Variants in CSPP1 observed in about 807,000 individuals in gnomAD.
CSPP1 encodes the protein centrosome and spindle pole associated protein 1.
In CSPP1, 126 loss-of-function variants were observed where a neutral mutation model predicts 164.4. The ratio of observed to expected loss-of-function variants is 0.77; its 90% CI spans 0.66 to 0.89. The LOEUF (loss-of-function observed/expected upper bound fraction) is 0.89. CSPP1 is among the 40% of genes least tolerant of loss of function. CSPP1 has a pLI of 0.00. For missense variants in CSPP1, 1,395 were observed against 1,449.8 expected (o/e 0.96, Z 0.61); for synonymous variants, 472 against 476.7 (o/e 0.99, Z 0.13).
At chr8:67,177,657 C>T (rs1563762747) in intron 26 of CSPP1, 23 bp from the exon 27 acceptor site, 1 of 1,579,178 alleles carries the variant, frequency 6.3e-7, no homozygotes, top group East Asian at 2.2e-5. Context: ...TTTTAATTTG[C>T]TTTTGTTCTC....
intron 28 of CSPP1, 111 bp from the exon 29 acceptor site, chr8:67,190,535 AGTGT>A: frequency 1.4e-6 from 1 of 724,562 alleles, no homozygotes; most frequent in South Asian, 1.6e-5. Context: ...ACATACATTG[AGTGT>A]GTTTCATGGT....
At position 67,160,533 on chromosome 8, in the gene CSPP1, T is replaced by C. The variant is rs991100959; in HGVS notation, c.2539-1278T>C. ...TAATTATATTTCTTGTAATTTCTTA[T>C]GTTTTTTAAAAATGCTATTTTTTAA... On this transcript the variant is annotated intron_variant, in intron 21 of 30. Coordinates refer to ENST00000678616, the MANE Select transcript of CSPP1 (RefSeq NM_001382391.1). 7.9e-5 allele frequency among the ~76,000 whole-genome samples: 12 copies of C among 152,054 alleles called. No individual in the cohort carries two copies. In the East Asian group the frequency reaches 2.3e-3, roughly 29 times the overall value.
At chr8:67,089,219 AT>A (rs929790327) in intron 4 of CSPP1, among the ~76,000 whole-genome samples, 9 of 151,592 alleles carry the variant, frequency 5.9e-5, no homozygotes, top group African/African-American at 1.2e-4. Context: ...GTTTTAATTA[AT>A]TTTTTTTTCC....
intron 1 of CSPP1, among the ~76,000 whole-genome samples, chr8:67,065,919 T>C (rs1805456478): frequency 6.6e-6 from 1 of 152,204 alleles, no homozygotes; most frequent in African/African-American, 2.4e-5. Flanking sequence ...GGTACAGTTT[T>C]TCTCAGATGA....
intron 8 of CSPP1, among the ~76,000 whole-genome samples, chr8:67,104,967 T>TATATATATA (rs61548979): frequency 4.2e-4 from 37 of 87,602 alleles, no homozygotes; most frequent in African/African-American, 1.4e-3. Flanking sequence ...TATATATATA[T>TATATATATA]TTTTTTTTTT....
intron 1 of CSPP1, among the ~76,000 whole-genome samples, chr8:67,068,382 A>G (rs1438080784): frequency 6.6e-6 from 1 of 152,214 alleles, no homozygotes; most frequent in African/African-American, 2.4e-5. Context: ...TATCATCTAC[A>G]TACTATGTAC....
intron 9 of CSPP1, among the ~76,000 whole-genome samples, chr8:67,110,566 C>T (rs573966648): frequency 6.6e-6 from 1 of 152,310 alleles, no homozygotes; most frequent in East Asian, 1.9e-4. Context: ...AAGGGACCTC[C>T]TGTGGATTTC....
At chr8:67,174,916 C>T (rs751152998) in intron 25 of CSPP1, 4 of 179,248 alleles carry the variant, frequency 2.2e-5, no homozygotes, top group South Asian at 1.3e-4. Flanking sequence ...AGAGATCAGC[C>T]GTGATTACAG....
intron 10 of CSPP1, 81 bp downstream of exon 10, chr8:67,112,146 TGTC>T (rs1161066480): frequency 2.3e-6 from 2 of 880,582 alleles, no homozygotes; most frequent in African/African-American, 1.7e-5. Flanking sequence ...AATAAGGGGT[TGTC>T]GTTCTAATAT....
intron 19 of CSPP1, 149 bp from the exon 20 acceptor site, chr8:67,158,298 C>A: frequency 2.6e-6 from 2 of 759,554 alleles, no homozygotes; most frequent in Non-Finnish European, 3.9e-6. Context: ...AATCATGTAG[C>A]CTCCCTGAAA....
At chr8:67,096,542 G>A (rs1469707223) in intron 7 of CSPP1, among the ~76,000 whole-genome samples, 6 of 151,544 alleles carry the variant, frequency 4.0e-5, no homozygotes, top group Admixed American at 1.3e-4. Flanking sequence ...TCCAGCCTGG[G>A]CGGTAAGGTG....
chr8:67,159,957 C>T (rs1403778950), intron 21 of CSPP1, among the ~76,000 whole-genome samples: 2 of 20,018 alleles, frequency 1.0e-4, no homozygotes, highest in East Asian at 1.5e-3. Flanking sequence ...TTCCTTCCTT[C>T]TTTCTTTTCT....
rs552850328 is a variant in CSPP1 at position 67,066,575 on chromosome 8, G to A, written c.-11+2037G>A. On this transcript the variant is annotated intron_variant, in intron 1 of 30. Transcript: ENST00000678616. ...TGCTAGATCTTTATTTCCAGCCTGG[G>A]TTCTATTCTGAGTTGTAGACATTTT... Among the ~76,000 whole-genome samples, 177 of 151,926 alleles carry A rather than the reference G, an allele frequency of 1.2e-3. 1 individual carries two copies. The highest frequency in any genetic ancestry group is 1.8e-3 in the Non-Finnish European group (120 of 67,966).
chr8:67,184,943 CAAAAAAAAAA>C (rs796384901), intron 28 of CSPP1, among the ~76,000 whole-genome samples: 1 of 56,086 alleles, frequency 1.8e-5, no homozygotes, highest in Admixed American at 2.1e-4. Flanking sequence ...ACTAAAAATA[CAAAAAAAAAA>C]AAAAAAAAAA....
At chr8:67,120,004 G>A (rs1308019489) in intron 15 of CSPP1, among the ~76,000 whole-genome samples, 2 of 152,028 alleles carry the variant, frequency 1.3e-5, no homozygotes, top group Admixed American at 1.3e-4. Context: ...ATAATTTTAG[G>A]TCTTATGTTG....
At chr8:67,154,193 G>A in intron 19 of CSPP1, 57 bp downstream of exon 19, 1 of 843,518 alleles carries the variant, frequency 1.2e-6, no homozygotes, top group South Asian at 1.5e-5. Flanking sequence ...AACAAAACTT[G>A]CAAAGATTTT....
At chr8:67,077,520 A>G (rs1808212161) in intron 3 of CSPP1, among the ~76,000 whole-genome samples, 1 of 152,052 alleles carries the variant, frequency 6.6e-6, no homozygotes, top group Non-Finnish European at 1.5e-5. Flanking sequence ...TATTTTTGGT[A>G]GAGACAGGGT....
rs1172369424 is a variant in CSPP1 at position 67,159,509 on chromosome 8, CTTTTTTTTTTTTTT to C, written c.2538+388_2538+401del. On this transcript the variant is annotated intron_variant, in intron 21 of 30. Coordinates refer to ENST00000678616, the MANE Select transcript of CSPP1 (RefSeq NM_001382391.1). The stretch of plus-strand genomic sequence containing the variant: ...GTTTATATATATATATATATGTATT[CTTTTTTTTTTTTTT>C]TTTTTTTTTTTTTTTGAGACATAAT... 4.5e-3 allele frequency among the ~76,000 whole-genome samples: 222 copies of C among 48,914 alleles called. 2 individuals are homozygous for C. The highest frequency in any genetic ancestry group is 6.5e-3 in the Non-Finnish European group (157 of 24,338). The allele number at this position is 48,914 out of a possible 152,430, so 32.1% of individuals were successfully genotyped here.
intron 17 of CSPP1, among the ~76,000 whole-genome samples, chr8:67,139,367 A>C (rs1409699589): frequency 6.6e-6 from 1 of 152,044 alleles, no homozygotes; most frequent in Non-Finnish European, 1.5e-5. Context: ...GGATGTGGAG[A>C]AATAGGAACA....
Sources: gnomAD v4.1 joint callset for allele counts (sites outside exome capture counted in the v4.1 genomes callset) on GRCh38, gnomAD v4.1.1 for gene constraint, MANE v1.5 for transcripts, NCBI Gene and HGNC (gene_info 2026-07-23, HGNC 2026-07-21) for gene names.